PTPRG: variants seen among roughly 807,000 people sequenced by gnomAD.
The protein encoded by PTPRG is protein tyrosine phosphatase receptor type G, also known as receptor-type tyrosine-protein phosphatase gamma.
In PTPRG, 102 loss-of-function variants were observed where a neutral mutation model predicts 165.3. The ratio of observed to expected loss-of-function variants is 0.62; its 90% CI spans 0.53 to 0.73. The LOEUF is 0.73. PTPRG is among the 30% of genes least tolerant of loss of function. The pLI, the probability that PTPRG is intolerant of heterozygous loss-of-function variation, is 0.00. For synonymous variants in PTPRG, 675 were observed against 669.5 expected (o/e 1.01, Z -0.13); for missense variants, 1,866 against 1,861.4 (o/e 1.00, Z -0.05).
intron 26 of PTPRG, among the ~76,000 whole-genome samples, chr3:62,281,023 G>C (rs567469468): frequency 6.6e-6 from 1 of 152,116 alleles, no homozygotes; most frequent in East Asian, 1.9e-4. Flanking sequence ...CCACAAAAAT[G>C]AAAGTGAGAT....
chr3:61,611,447 A>G (rs1300224248), intron 1 of PTPRG, among the ~76,000 whole-genome samples: 1 of 152,200 alleles, frequency 6.6e-6, no homozygotes, highest in Non-Finnish European at 1.5e-5. Flanking sequence ...AAAAACTTGA[A>G]TGCTTTTTTG....
At chr3:61,624,239 C>G (rs2106909951) in intron 1 of PTPRG, among the ~76,000 whole-genome samples, 1 of 152,210 alleles carries the variant, frequency 6.6e-6, no homozygotes, top group South Asian at 2.1e-4. Context: ...TTTAACTTCC[C>G]TGGGCCTCTC....
At chr3:61,693,428 A>C (rs2030353433) in intron 1 of PTPRG, among the ~76,000 whole-genome samples, 1 of 152,236 alleles carries the variant, frequency 6.6e-6, no homozygotes, top group South Asian at 2.1e-4. Context: ...GTAATGTGTC[A>C]TAATTGAATA....
At chr3:61,977,121 G>A (rs181793099) in intron 2 of PTPRG, among the ~76,000 whole-genome samples, 368 of 152,102 alleles carry the variant, frequency 2.4e-3, no homozygotes, top group African/African-American at 8.2e-3. Flanking sequence ...CAGATAGATT[G>A]TATATCTGAT....
rs1699766599 is a variant in PTPRG at position 61,561,987 on chromosome 3, C to G, written c.-301C>G. On this transcript the variant is annotated 5_prime_UTR_variant, in exon 1 of 30. Coordinates refer to ENST00000474889, the MANE Select transcript of PTPRG (RefSeq NM_002841.4). ...TGCCCCAGGCCCGGGGCATCGCCGC[C>G]GGCCGCCGACTCCGCGCCCTGCCCG... The G allele has an allele frequency of 4.0e-6, 1 of 250,306 alleles. No individual in the cohort carries two copies. The highest frequency in any genetic ancestry group is 7.5e-6 in the Non-Finnish European group (1 of 132,968). 15.5% of individuals were successfully genotyped at this position (250,306 alleles called of 1,614,324 possible).
intron 6 of PTPRG, among the ~76,000 whole-genome samples, chr3:62,134,489 A>G (rs1703633458): frequency 6.6e-6 from 1 of 151,890 alleles, no homozygotes; most frequent in Non-Finnish European, 1.5e-5. Flanking sequence ...CTGTCGGGAG[A>G]GTTCTTCCTT....
chr3:61,763,726 C>G (rs1214592737), intron 2 of PTPRG, among the ~76,000 whole-genome samples: 1 of 151,984 alleles, frequency 6.6e-6, no homozygotes, highest in Admixed American at 6.6e-5. Flanking sequence ...GGAAAATGTT[C>G]TAGGAAAGAA....
Position 61,894,002 on chromosome 3 carries a change from C to A in PTPRG, c.191-95623C>A, listed in dbSNP as rs114492216. Among the ~76,000 whole-genome samples the A allele has an allele frequency of 7.5e-3, 1,148 of 152,144 alleles. 10 individuals are homozygous for A. Among genetic ancestry groups the A allele is most frequent in the African/African-American group, 0.025 (1,053 of 41,494 alleles). ...GTGGGGGTGTTATTTGCAGAGAAAG[C>A]AGCTGGCACTAAGTTTACAGGCTAA... On this transcript the variant is annotated intron_variant, in intron 2 of 29. Transcript: ENST00000474889.
intron 1 of PTPRG, among the ~76,000 whole-genome samples, chr3:61,651,213 A>G (rs1348605211): frequency 6.6e-6 from 1 of 152,110 alleles, no homozygotes; most frequent in Non-Finnish European, 1.5e-5. Flanking sequence ...AAAAATCCCA[A>G]AATACTTAAG....
In PTPRG at chr3:61,982,845, A is replaced by G. The variant is rs1258164859; in HGVS notation, c.191-6780A>G. On this transcript the variant is annotated intron_variant, in intron 2 of 29. Transcript: ENST00000474889. The stretch of plus-strand genomic sequence containing the variant: ...GACACCCTGGGAAATTAGACAGATA[A>G]TGGTATTAAAAAATGAACAAAGTAG... Among the ~76,000 whole-genome samples the G allele has an allele frequency of 2.6e-5, 4 of 152,170 alleles. No homozygotes were observed. The East Asian group carries it at 5.8e-4, about 22-fold the overall frequency.
chr3:61,568,575 A>G (rs1038503113), intron 1 of PTPRG, among the ~76,000 whole-genome samples: 1 of 152,208 alleles, frequency 6.6e-6, no homozygotes, highest in Non-Finnish European at 1.5e-5. Flanking sequence ...ATGCAGGCCT[A>G]AGGTTTTTAT....
intron 5 of PTPRG, among the ~76,000 whole-genome samples, chr3:62,086,553 G>C (rs1011244620): frequency 5.3e-5 from 8 of 152,126 alleles, no homozygotes; most frequent in African/African-American, 1.9e-4. Context: ...TTCCTTTCCA[G>C]TTGCTGCTGT....
At chr3:61,606,376 A>C (rs1241521393) in intron 1 of PTPRG, among the ~76,000 whole-genome samples, 1 of 152,202 alleles carries the variant, frequency 6.6e-6, no homozygotes, top group African/African-American at 2.4e-5. Context: ...TGCTATTTGT[A>C]GTCTCTTTTA....
At chr3:62,103,234 C>T (rs189072401) in intron 5 of PTPRG, among the ~76,000 whole-genome samples, 37 of 121,356 alleles carry the variant, frequency 3.0e-4, no homozygotes, top group Non-Finnish European at 5.8e-4. Context: ...ACTCATAGCA[C>T]GCGGAAAGGA....
chr3:61,606,075 A>C (rs997130264), intron 1 of PTPRG, among the ~76,000 whole-genome samples: 2 of 152,218 alleles, frequency 1.3e-5, no homozygotes, highest in African/African-American at 4.8e-5. Context: ...ATCTAAAACA[A>C]CACACATTTA....
At chr3:62,279,356 A>G (rs1702348886) in intron 26 of PTPRG, among the ~76,000 whole-genome samples, 2 of 152,176 alleles carry the variant, frequency 1.3e-5, no homozygotes, top group South Asian at 4.1e-4. Flanking sequence ...TTCAAGATGA[A>G]CCATTTTTCT....
chr3:61,885,551 A>G (rs1472416298), intron 2 of PTPRG, among the ~76,000 whole-genome samples: 3 of 151,242 alleles, frequency 2.0e-5, no homozygotes, highest in African/African-American at 4.9e-5. Flanking sequence ...TAAAGGCCAG[A>G]TGTTAAAGGT....
chr3:62,141,684 C>T (rs1391862273), intron 6 of PTPRG, among the ~76,000 whole-genome samples: 1 of 151,348 alleles, frequency 6.6e-6, no homozygotes, highest in African/African-American at 2.4e-5. Context: ...TGGATCCCTT[C>T]AGGTCAGGAG....
rs375366054 is a variant in PTPRG at position 61,578,719 on chromosome 3, A to G, written c.85+16347A>G. 1.1e-4 allele frequency among the ~76,000 whole-genome samples: 16 copies of G among 152,326 alleles called. No individual in the cohort carries two copies. The East Asian group carries it at 2.3e-3, about 22-fold the overall frequency. On this transcript the variant is annotated intron_variant, in intron 1 of 29. Transcript: ENST00000474889. ...CAGAAGGGCTTCTAGCTTGGATCCC[A>G]TTGAGTCCATGTGCATCCACAGGCC...
Sources: allele counts gnomAD v4.1 joint callset (sites outside exome capture counted in the v4.1 genomes callset), GRCh38; gene constraint gnomAD v4.1.1; transcripts MANE v1.5; gene names NCBI Gene and HGNC (gene_info 2026-07-23, HGNC 2026-07-21).